Variants in PRUNE2 observed in about 807,000 individuals in gnomAD.
PRUNE2 encodes prune homolog 2 with BCH domain.
In PRUNE2, 164 loss-of-function variants were observed where a neutral mutation model predicts 252.0. The observed-to-expected ratio is 0.65, with a 90% CI of 0.57 to 0.74. PRUNE2 has a LOEUF of 0.74. PRUNE2 is among the 30% of genes least tolerant of loss of function. The probability of loss-of-function intolerance (pLI) is 0.00; values close to 1 mark genes in which losing one functional copy is unlikely to be tolerated. For missense variants in PRUNE2, 3,495 were observed against 3,711.0 expected (o/e 0.94, Z 1.51); for synonymous variants, 1,292 against 1,350.2 (o/e 0.96, Z 0.94).
intron 1 of PRUNE2, among the ~76,000 whole-genome samples, chr9:76,866,653 G>A (rs187242461): frequency 7.2e-5 from 11 of 151,964 alleles, no homozygotes; most frequent in African/African-American, 1.2e-4. Context: ...CTCTGCTGAC[G>A]TATGTTTGAA....
chr9:76,889,148 G>A lies in PRUNE2; in HGVS notation c.36+16780C>T, dbSNP rs113886531. 4.8e-3 allele frequency among the ~76,000 whole-genome samples: 723 copies of A among 152,158 alleles called. 4 individuals carry two copies. Among genetic ancestry groups the A allele is most frequent in the African/African-American group, 0.016 (680 of 41,518 alleles). On this transcript the variant is annotated intron_variant, in intron 1 of 18. Coordinates refer to ENST00000376718, the MANE Select transcript of PRUNE2 (RefSeq NM_015225.3). ...TTTCAGGCATGACCCCACCGTGCCC[G>A]GTCGTTTTAACGTATTTATGGTCCT...
chr9:76,676,384 G>T lies in PRUNE2; in HGVS notation c.8277-20882C>A, dbSNP rs117529099. 1.1e-4 allele frequency among the ~76,000 whole-genome samples: 16 copies of T among 150,348 alleles called. No homozygotes were observed. The East Asian group carries it at 3.1e-3, about 29-fold the overall frequency. ...TTTCAATGTAAAAAAAAATCTAAAT[G>T]TATTGACATAGAATGGTATTTAAGA... On this transcript the variant is annotated intron_variant, in intron 9 of 18. Coordinates refer to ENST00000376718, the MANE Select transcript of PRUNE2 (RefSeq NM_015225.3).
At chr9:76,902,051 A>G (rs1250668754) in intron 1 of PRUNE2, among the ~76,000 whole-genome samples, 1 of 152,132 alleles carries the variant, frequency 6.6e-6, no homozygotes, top group African/African-American at 2.4e-5. Context: ...GGGTCTGGGC[A>G]GTGAGGGAGG....
In PRUNE2 at chr9:76,705,544, G is replaced by A. The variant is rs778138681; in HGVS notation, c.6730C>T (p.Pro2244Ser). Residue 2244 changes from proline (P) to serine (S), a missense_variant, in exon 8 of 19, where the codon CCA becomes TCA. Transcript: ENST00000376718. ...SIFVTHQEPT[P>S]EGDGSWISDS... Reference sequence around the variant, plus strand: ...GATATCCAAGAACCGTCACCTTCTGGAGTTGGCTCTTGGTGAGTTACAAAA... The same window carrying A: ...GATATCCAAGAACCGTCACCTTCTGAAGTTGGCTCTTGGTGAGTTACAAAA... 13 of 1,614,024 alleles carry A rather than the reference G, an allele frequency of 8.1e-6. No individual in the cohort carries two copies. Among genetic ancestry groups the A allele is most frequent in the Non-Finnish European group, 1.1e-5 (13 of 1,179,896 alleles).
chr9:76,658,718 T>C (rs1409741427), intron 9 of PRUNE2, among the ~76,000 whole-genome samples: 1 of 152,212 alleles, frequency 6.6e-6, no homozygotes, highest in African/African-American at 2.4e-5. Flanking sequence ...TTGAGGGAGT[T>C]GTAAACACAA....
chr9:76,841,861 G>A (rs1000090743), intron 4 of PRUNE2, among the ~76,000 whole-genome samples: 2 of 152,216 alleles, frequency 1.3e-5, no homozygotes, highest in East Asian at 3.8e-4. Context: ...AGGGGCGGCT[G>A]TGGGAGCAGC....
At chr9:76,635,550 A>G (rs1158368545) in intron 15 of PRUNE2, among the ~76,000 whole-genome samples, 1 of 152,174 alleles carries the variant, frequency 6.6e-6, no homozygotes, top group Non-Finnish European at 1.5e-5. Flanking sequence ...TTTCAGCATT[A>G]GCAATTGGAA....
In PRUNE2 at chr9:76,823,636, A is replaced by G; in HGVS notation, c.752T>C (p.Leu251Pro). ...KVAISTVSMN[L>P]ENCLFHSNIT... ...AAAAAGCATTCCCACCCTTACCTCAAGGTTCATGCTCACAGTACTAATGGC... is the reference window on the plus strand; with the variant it reads ...AAAAAGCATTCCCACCCTTACCTCAGGGTTCATGCTCACAGTACTAATGGC... Residue 251 changes from leucine to proline, a missense_variant, in exon 6 of 19, where the codon CTT (leucine) becomes CCT (proline). Physicochemically the swap from Leu to Pro is moderately conservative, Grantham distance 98. Coordinates refer to ENST00000376718, the MANE Select transcript of PRUNE2 (RefSeq NM_015225.3). 6.3e-7 allele frequency: 1 copy of G among 1,583,772 alleles called. No individual in the cohort carries two copies. Among genetic ancestry groups the G allele is most frequent in the Non-Finnish European group, 8.7e-7 (1 of 1,152,330 alleles).
At chr9:76,763,142 C>G (rs956301668) in intron 6 of PRUNE2, among the ~76,000 whole-genome samples, 5 of 152,156 alleles carry the variant, frequency 3.3e-5, no homozygotes, top group Non-Finnish European at 5.9e-5. Context: ...CTGGTCGGGG[C>G]AGCATTATAG....
chr9:76,699,108 C>T (rs572390247), intron 9 of PRUNE2, among the ~76,000 whole-genome samples: 1 of 143,566 alleles, frequency 7.0e-6, no homozygotes, highest in African/African-American at 2.6e-5. Context: ...GAATATCATC[C>T]CTTTTCTCAA....
intron 15 of PRUNE2, among the ~76,000 whole-genome samples, chr9:76,632,531 C>T (rs1838114143): frequency 6.6e-6 from 1 of 152,092 alleles, no homozygotes; most frequent in African/African-American, 2.4e-5. Flanking sequence ...TAAATGATAG[C>T]CCGTGGCTGA....
intron 9 of PRUNE2, among the ~76,000 whole-genome samples, chr9:76,656,443 AGTC>A (rs1849272787): frequency 6.6e-6 from 1 of 152,150 alleles, no homozygotes; most frequent in Non-Finnish European, 1.5e-5. Flanking sequence ...TTCTTAATTT[AGTC>A]CCCTTCTGCC....
At position 76,670,290 on chromosome 9, in the gene PRUNE2, G is replaced by A. The variant is rs576388808; in HGVS notation, c.8277-14788C>T. ...TTTCTGAGTCAAAGAAAGGGGTGAC[G>A]GACGGCACCTGGAAAATCGGGTCAC... On this transcript the variant is annotated intron_variant, in intron 9 of 18. Transcript: ENST00000376718. Among the ~76,000 whole-genome samples the A allele has an allele frequency of 4.6e-5, 7 of 152,106 alleles. No homozygotes were observed. The East Asian group carries it at 9.7e-4, about 21-fold the overall frequency.
At chr9:76,768,544 G>C (rs1258292684) in intron 6 of PRUNE2, among the ~76,000 whole-genome samples, 3 of 151,124 alleles carry the variant, frequency 2.0e-5, no homozygotes, top group Admixed American at 2.0e-4. Context: ...AACGTTCTCT[G>C]GGTCTCTTAT....
rs117635798 is a variant in PRUNE2, at chr9:76,625,408, C to T, written c.9150-918G>A. 1.8e-3 allele frequency among the ~76,000 whole-genome samples: 272 copies of T among 152,184 alleles called. 3 individuals are homozygous for T. The East Asian group carries it at 0.018, about 10-fold the overall frequency. On this transcript the variant is annotated intron_variant, in intron 16 of 18. Coordinates refer to ENST00000376718, the MANE Select transcript of PRUNE2 (RefSeq NM_015225.3). ...TAGGTGGTGTAGTGGTCTCTACCAT[C>T]GGGGTGGTTTGTATAAGTTCACTAT...
At chr9:76,877,409 C>T (rs1030281076) in intron 1 of PRUNE2, among the ~76,000 whole-genome samples, 12 of 151,942 alleles carry the variant, frequency 7.9e-5, no homozygotes, top group Non-Finnish European at 1.3e-4. Context: ...GGGAGGCTTG[C>T]TTGAACCCAG....
At chr9:76,695,906 A>T (rs779284139) in intron 9 of PRUNE2, among the ~76,000 whole-genome samples, 20 of 152,066 alleles carry the variant, frequency 1.3e-4, no homozygotes, top group Non-Finnish European at 2.8e-4. Context: ...ATCTTTTCAG[A>T]TGGAAAAAAA....
intron 6 of PRUNE2, among the ~76,000 whole-genome samples, chr9:76,762,959 C>T (rs1002003501): frequency 1.3e-5 from 2 of 152,186 alleles, no homozygotes; most frequent in Non-Finnish European, 2.9e-5. Flanking sequence ...CTTCACTCCC[C>T]ACTGTGTCTT....
At chr9:76,809,789 A>G (rs2057233315) in intron 6 of PRUNE2, among the ~76,000 whole-genome samples, 1 of 152,236 alleles carries the variant, frequency 6.6e-6, no homozygotes, top group African/African-American at 2.4e-5. Context: ...ATACATATAA[A>G]AAAGGATTTA....
Sources: allele counts gnomAD v4.1 joint callset (sites outside exome capture counted in the v4.1 genomes callset), GRCh38; gene constraint gnomAD v4.1.1; transcripts MANE v1.5; gene names NCBI Gene and HGNC (gene_info 2026-07-23, HGNC 2026-07-21).